The following TF variants were observed in gnomAD, a reference collection of about 807,000 sequenced individuals.
TF encodes the protein transferrin.
Under a neutral mutation model 82.4 loss-of-function variants are expected in TF, and 55 were observed. That is an observed-to-expected ratio of 0.67 (90% CI 0.54 to 0.84). The LOEUF (loss-of-function observed/expected upper bound fraction) is 0.84, where lower values mean the gene tolerates loss of function less well. Among genes scored for constraint, TF ranks in the 40% least tolerant of loss-of-function variants. The pLI is 0.00. For missense variants in TF, 737 were observed against 868.4 expected (o/e 0.85, Z 1.90); for synonymous variants, 332 against 332.6 (o/e 1.00, Z 0.02).
chr3:133,753,902 GCTCCTAAAA>G, intron 3 of TF, 199 bp downstream of exon 3: 1 of 654,878 alleles, frequency 1.5e-6, no homozygotes, highest in East Asian at 2.7e-5. Context: ...GAGGACTGGT[GCTCCTAAAA>G]CTGAGCCCTG....
chr3:133,746,633 C>G (rs1933509048), intron 1 of TF, 150 bp downstream of exon 1: 2 of 855,256 alleles, frequency 2.3e-6, no homozygotes, highest in Non-Finnish European at 3.7e-6. Flanking sequence ...TACGCCCCAC[C>G]CCTGGCCTTT....
chr3:133,754,916 G>A (rs1050680761), intron 4 of TF, among the ~76,000 whole-genome samples: 1 of 152,228 alleles, frequency 6.6e-6, no homozygotes, highest in Non-Finnish European at 1.5e-5. Flanking sequence ...AGGAAAGGGC[G>A]CAAGGCTCGG....
chr3:133,725,137 G>A, the TF span, among the ~76,000 whole-genome samples: 2 of 152,094 alleles, frequency 1.3e-5, no homozygotes, highest in South Asian at 2.1e-4. Context: ...TTGGCGATGG[G>A]GGCTCTTTTT....
At chr3:133,690,596 G>A in the TF span, among the ~76,000 whole-genome samples, 1 of 152,212 alleles carries the variant, frequency 6.6e-6, no homozygotes, top group Non-Finnish European at 1.5e-5. Context: ...TTTTTGTAAT[G>A]TGTGTATGTG....
the TF span, among the ~76,000 whole-genome samples, chr3:133,678,851 TTTTTG>T: frequency 0.092 from 13,742 of 149,374 alleles, 1,614 homozygotes; most frequent in African/African-American, 0.28. Flanking sequence ...GCCCAGCTAT[TTTTTG>T]TTTTGTTTTG....
At position 133,764,285 on chromosome 3, in the gene TF, G is replaced by A. The variant is rs1934069959; in HGVS notation, c.1297+10G>A. 1 of 1,608,034 alleles carries A rather than the reference G, an allele frequency of 6.2e-7. No individual in the cohort carries two copies. Among genetic ancestry groups the A allele is most frequent in the Non-Finnish European group, 8.5e-7 (1 of 1,174,594 alleles). On this transcript the variant is annotated intron_variant, in intron 10 of 16. Coordinates refer to ENST00000402696, the MANE Select transcript of TF (RefSeq NM_001063.4). Reference sequence around the variant, plus strand: ...GCAGAAAACTACAATAGTAAGTGGTGGGGAGCACCTCTCTGTGTTTTCTTC... The same window carrying A: ...GCAGAAAACTACAATAGTAAGTGGTAGGGAGCACCTCTCTGTGTTTTCTTC...
In TF at chr3:133,794,042, C is replaced by T. The variant is rs1027813485; in HGVS notation, c.*15422C>T. 2.0e-5 allele frequency: 3 copies of T among 152,136 alleles called. No individual in the cohort carries two copies. Among genetic ancestry groups the T allele is most frequent in the African/African-American group, 7.2e-5 (3 of 41,440 alleles). 9.4% of individuals were successfully genotyped at this position (152,136 alleles called of 1,614,324 possible). A position where few individuals can be genotyped will look rare whatever the true frequency, so the allele number is the denominator to read the frequency against. On this transcript the variant is annotated 3_prime_UTR_variant, in exon 17 of 17. Transcript: ENST00000402696. ...TTTGAATAAACTCCATCATTTAAAT[C>T]AAATTACCTATGATAACCCATCAGT...
intron 1 of TF, 145 bp from the exon 2 acceptor site, chr3:133,748,267 A>C: frequency 9.7e-7 from 1 of 1,035,016 alleles, no homozygotes; most frequent in Non-Finnish European, 1.5e-6. Context: ...AATGCAGTAG[A>C]ACTTGTGCCC....
chr3:133,672,751 G>A, the TF span, among the ~76,000 whole-genome samples: 1 of 95,326 alleles, frequency 1.0e-5, no homozygotes. Context: ...GAAGGGGAGG[G>A]AAAGGAAGGG....
chr3:133,757,102 G>A, intron 7 of TF, 93 bp downstream of exon 7: 1 of 1,531,724 alleles, frequency 6.5e-7, no homozygotes, highest in African/African-American at 1.4e-5. Context: ...CTGGAAGTCT[G>A]TGTGTTCAGG....
the TF span, among the ~76,000 whole-genome samples, chr3:133,708,210 A>C: frequency 6.6e-6 from 1 of 152,216 alleles, no homozygotes; most frequent in South Asian, 2.1e-4. Context: ...TATAACTTAG[A>C]TTCAGCCAAA....
the TF span, among the ~76,000 whole-genome samples, chr3:133,725,469 G>T: frequency 2.0e-5 from 3 of 152,070 alleles, no homozygotes; most frequent in African/African-American, 7.2e-5. Flanking sequence ...TCTGTTATTG[G>T]TGTATAAGAA....
the TF span, chr3:133,694,314 T>C: frequency 6.5e-6 from 1 of 152,796 alleles, no homozygotes; most frequent in South Asian, 2.1e-4. Flanking sequence ...GACAGACAAG[T>C]GTGCCTGCTC....
At chr3:133,664,512 G>A in the TF span, among the ~76,000 whole-genome samples, 79 of 152,012 alleles carry the variant, frequency 5.2e-4, no homozygotes, top group African/African-American at 1.4e-3. Flanking sequence ...TAGTGGAGAC[G>A]GGTTTCACCT....
chr3:133,701,549 T>A, the TF span, among the ~76,000 whole-genome samples: 1 of 152,090 alleles, frequency 6.6e-6, no homozygotes, highest in Non-Finnish European at 1.5e-5. Context: ...GCAAAGACAC[T>A]GGGTGAGGGG....
chr3:133,696,605 C>G, the TF span, among the ~76,000 whole-genome samples: 9 of 152,158 alleles, frequency 5.9e-5, no homozygotes, highest in African/African-American at 2.2e-4. Flanking sequence ...AATCAATTCT[C>G]TTAGTCATTG....
the TF span, among the ~76,000 whole-genome samples, chr3:133,675,278 A>G: frequency 6.7e-6 from 1 of 149,656 alleles, no homozygotes; most frequent in Non-Finnish European, 1.5e-5. Context: ...ATTGAGGGGG[A>G]AATCAAAAGA....
At position 133,777,376 on chromosome 3, in the gene TF, T is replaced by C. The variant is rs1389740280; in HGVS notation, c.2062+138T>C. 8 of 803,812 alleles carry C rather than the reference T, an allele frequency of 1.0e-5. No homozygotes were observed. In the African/African-American group the frequency reaches 1.4e-4, roughly 14 times the overall value. The allele number at this position is 803,812 out of a possible 1,614,324, so 49.8% of individuals were successfully genotyped here. On this transcript the variant is annotated intron_variant, in intron 16 of 16. Transcript: ENST00000402696. ...ACAAAATGAAATGGTGAGTGAACAATCTAAGCCCGGCATGTATGACAGGCT... is the reference window on the plus strand; with the variant it reads ...ACAAAATGAAATGGTGAGTGAACAACCTAAGCCCGGCATGTATGACAGGCT...
Position 133,792,427 on chromosome 3 carries a change from T to C in TF, c.*13807T>C, listed in dbSNP as rs1934863789. On this transcript the variant is annotated 3_prime_UTR_variant, in exon 17 of 17. Coordinates refer to ENST00000402696, the MANE Select transcript of TF (RefSeq NM_001063.4). ...CTAAATGCTTCATAAAATGCCACTA[T>C]GACTCTTAACTCTACAACTTGCCTG... 6.6e-6 allele frequency: 1 copy of C among 152,232 alleles called. No individual in the cohort carries two copies. Among genetic ancestry groups the C allele is most frequent in the Non-Finnish European group, 1.5e-5 (1 of 68,046 alleles). 9.4% of individuals were successfully genotyped at this position (152,232 alleles called of 1,614,324 possible). A position where few individuals can be genotyped will look rare whatever the true frequency, so the allele number is the denominator to read the frequency against.
Sources: gnomAD v4.1 joint callset for allele counts (sites outside exome capture counted in the v4.1 genomes callset) on GRCh38, gnomAD v4.1.1 for gene constraint, MANE v1.5 for transcripts, NCBI Gene and HGNC (gene_info 2026-07-23, HGNC 2026-07-21) for gene names.